Variants in DGKI observed in about 807,000 individuals in gnomAD.
DGKI encodes diacylglycerol kinase iota, also known as DAG kinase iota.
In DGKI, 55 loss-of-function variants were observed where a neutral mutation model predicts 147.5. That is an observed-to-expected ratio of 0.37 (90% CI 0.30 to 0.47). DGKI has a LOEUF of 0.47. Ranked by LOEUF, DGKI falls within the 20% of genes least tolerant of loss-of-function variation. The pLI, the probability that DGKI is intolerant of heterozygous loss-of-function variation, is 1.00. For missense variants in DGKI, 1,007 were observed against 1,323.8 expected (o/e 0.76, Z 3.71); for synonymous variants, 469 against 477.1 (o/e 0.98, Z 0.22).
At chr7:137,592,724 T>C (rs947837090) in intron 12 of DGKI, among the ~76,000 whole-genome samples, 18 of 152,206 alleles carry the variant, frequency 1.2e-4, no homozygotes, top group Admixed American at 5.9e-4. Context: ...CCACACAGTA[T>C]TGGATGACTG....
At chr7:137,777,257 C>A (rs7459121) in intron 1 of DGKI, among the ~76,000 whole-genome samples, 1 of 152,034 alleles carries the variant, frequency 6.6e-6, no homozygotes, top group Admixed American at 6.5e-5. Context: ...ATATGGAATT[C>A]TATGGCATTA....
intron 1 of DGKI, among the ~76,000 whole-genome samples, chr7:137,746,230 T>G (rs942556633): frequency 6.6e-6 from 1 of 152,164 alleles, no homozygotes; most frequent in African/African-American, 2.4e-5. Context: ...GAGACTGTGC[T>G]TAAGTTGTCC....
At chr7:137,490,473 C>T (rs1421250003) in intron 21 of DGKI, among the ~76,000 whole-genome samples, 1 of 152,142 alleles carries the variant, frequency 6.6e-6, no homozygotes, top group African/African-American at 2.4e-5. Context: ...AATCATCTAT[C>T]TTTTAATTTA....
In DGKI at chr7:137,846,252, G is replaced by C. The variant is rs983619525; in HGVS notation, c.401+210C>G. Among the ~76,000 whole-genome samples, 19 of 149,538 alleles carry C rather than the reference G, an allele frequency of 1.3e-4. No homozygotes were observed. The highest frequency in any genetic ancestry group is 4.5e-4 in the African/African-American group (18 of 40,344). On this transcript the variant is annotated intron_variant, in intron 1 of 32. Transcript: ENST00000614521. The surrounding 1 kb of genome is among the most constrained non-coding windows in gnomAD (Gnocchi z 4.0). ...CTTAGGGACCCAGTGCTTCTCTCCT[G>C]CCACAGGGGAAAGCAGGCGTTGCTG...
At chr7:137,770,933 GTTACCCAC>G (rs1796175877) in intron 1 of DGKI, among the ~76,000 whole-genome samples, 1 of 152,104 alleles carries the variant, frequency 6.6e-6, no homozygotes, top group Non-Finnish European at 1.5e-5. Context: ...ATCAGAAAGA[GTTACCCAC>G]TTTACCTATG....
chr7:137,512,651 T>C (rs996897620), intron 21 of DGKI, among the ~76,000 whole-genome samples: 8 of 152,204 alleles, frequency 5.3e-5, no homozygotes, highest in African/African-American at 1.7e-4. Context: ...CTACCTGCAA[T>C]TGATTGCTCT....
At chr7:137,807,084 T>C (rs1797398527) in intron 1 of DGKI, among the ~76,000 whole-genome samples, 1 of 152,212 alleles carries the variant, frequency 6.6e-6, no homozygotes, top group South Asian at 2.1e-4. Context: ...TATATGTCAG[T>C]GATCTGTTCT....
intron 2 of DGKI, among the ~76,000 whole-genome samples, chr7:137,679,489 A>G (rs1415742566): frequency 5.3e-5 from 8 of 151,408 alleles, no homozygotes; most frequent in Admixed American, 5.3e-4. Context: ...AGATTTATAT[A>G]TTAATTGTAT....
At chr7:137,832,583 T>G (rs993615005) in intron 1 of DGKI, among the ~76,000 whole-genome samples, 1 of 152,194 alleles carries the variant, frequency 6.6e-6, no homozygotes, top group Non-Finnish European at 1.5e-5. Flanking sequence ...GCTCAGCCCA[T>G]GAAACCATTT....
chr7:137,647,358 A>T (rs183803406), intron 5 of DGKI, among the ~76,000 whole-genome samples: 1 of 152,206 alleles, frequency 6.6e-6, no homozygotes, highest in Admixed American at 6.5e-5. Flanking sequence ...GACCACTTCT[A>T]CCTCCTCATT....
chr7:137,810,474 G>C (rs901302150), intron 1 of DGKI, among the ~76,000 whole-genome samples: 4 of 152,180 alleles, frequency 2.6e-5, no homozygotes, highest in African/African-American at 9.7e-5. Context: ...AGACTTCACA[G>C]TAAAGGCAAA....
intron 1 of DGKI, among the ~76,000 whole-genome samples, chr7:137,700,376 T>A (rs1248980315): frequency 6.6e-6 from 1 of 152,240 alleles, no homozygotes; most frequent in Non-Finnish European, 1.5e-5. Flanking sequence ...CAGAGACAGA[T>A]GAATGGTTGT....
chr7:137,692,095 G>A (rs1006661691), intron 1 of DGKI, among the ~76,000 whole-genome samples: 1 of 151,916 alleles, frequency 6.6e-6, no homozygotes, highest in African/African-American at 2.4e-5. Context: ...CCATATCATC[G>A]AGCAATAAGA....
chr7:137,390,700 G>A lies in DGKI; in HGVS notation c.*520C>T, dbSNP rs1040346135. On this transcript the variant is annotated 3_prime_UTR_variant, in exon 33 of 33. Transcript: ENST00000614521. The stretch of plus-strand genomic sequence containing the variant: ...TATATTTAGTCTTAGAAATGGAAGT[G>A]GTTTTACAGTTATATTTCTGCAGGA... The A allele has an allele frequency of 6.4e-6, 1 of 156,042 alleles. No homozygotes were observed. Among genetic ancestry groups the A allele is most frequent in the Admixed American group, 6.1e-5 (1 of 16,322 alleles). 9.7% of individuals were successfully genotyped at this position (156,042 alleles called of 1,614,324 possible). A position where few individuals can be genotyped will look rare whatever the true frequency, so the allele number is the denominator to read the frequency against.
chr7:137,817,760 G>A (rs940544554), intron 1 of DGKI, among the ~76,000 whole-genome samples: 1 of 152,208 alleles, frequency 6.6e-6, no homozygotes. Flanking sequence ...TGTAGAGAAT[G>A]CAAACTGTAT....
At chr7:137,588,491 T>G (rs905724778) in intron 12 of DGKI, among the ~76,000 whole-genome samples, 12 of 150,294 alleles carry the variant, frequency 8.0e-5, no homozygotes, top group Non-Finnish European at 1.5e-4. Flanking sequence ...TTTTTTTTTT[T>G]TTTGAGATGG....
chr7:137,436,008 C>T (rs933659816), intron 28 of DGKI, among the ~76,000 whole-genome samples: 1 of 152,116 alleles, frequency 6.6e-6, no homozygotes, highest in Non-Finnish European at 1.5e-5. Flanking sequence ...TCAAACTCCT[C>T]ACCTCAGGTG....
chr7:137,412,252 T>C (rs1041890278), intron 28 of DGKI, 45 bp from the exon 29 acceptor site: 9 of 1,563,498 alleles, frequency 5.8e-6, no homozygotes, highest in Non-Finnish European at 7.9e-6. Flanking sequence ...GAAGACCCTC[T>C]TATTAAAATA....
chr7:137,557,847 G>C (rs549930050), intron 19 of DGKI, among the ~76,000 whole-genome samples: 6 of 152,190 alleles, frequency 3.9e-5, no homozygotes, highest in Non-Finnish European at 7.4e-5. Flanking sequence ...AGGCCTCTCA[G>C]GTGGCCACTT....
Sources: gnomAD v4.1 joint callset for allele counts (sites outside exome capture counted in the v4.1 genomes callset) on GRCh38, gnomAD v4.1.1 for gene constraint, Gnocchi (gnomAD v3.1) non-coding constraint, MANE v1.5 for transcripts, NCBI Gene and HGNC (gene_info 2026-07-23, HGNC 2026-07-21) for gene names.